TGFBRAP1: variants seen among roughly 807,000 people sequenced by gnomAD.
TGFBRAP1 encodes the protein transforming growth factor-beta receptor-associated protein 1.
A neutral mutation model predicts 83.2 loss-of-function variants in TGFBRAP1; 20 were observed. That is an observed-to-expected ratio of 0.24 (90% CI 0.17 to 0.35). The LOEUF (loss-of-function observed/expected upper bound fraction) is 0.35. Among genes scored for constraint, TGFBRAP1 ranks in the 10% least tolerant of loss-of-function variants. The pLI, the probability that TGFBRAP1 is intolerant of heterozygous loss-of-function variation, is 1.00. For synonymous variants in TGFBRAP1, 415 were observed against 459.8 expected, an observed-to-expected ratio of 0.90 and a Z score of 1.25; for missense variants, 950 against 1,099.4, an observed-to-expected ratio of 0.86 and a Z score of 1.92.
At chr2:105,311,587 A>AG (rs1266435868) in intron 1 of TGFBRAP1, among the ~76,000 whole-genome samples, 2 of 151,528 alleles carry the variant, frequency 1.3e-5, no homozygotes, top group African/African-American at 2.4e-5. Context: ...GCTTTCACAC[A>AG]GAAAAAAAAA....
chr2:105,304,657 CCTATAGTCCCAG>C (rs1678433105), intron 2 of TGFBRAP1, among the ~76,000 whole-genome samples: 1 of 152,178 alleles, frequency 6.6e-6, no homozygotes, highest in South Asian at 2.1e-4. Context: ...GTGGCACATG[CCTATAGTCCCAG>C]CTACTCGGGA....
chr2:105,329,729 C>A lies in TGFBRAP1; in HGVS notation c.-122G>T. 1 of 147,984 alleles carries A rather than the reference C, an allele frequency of 6.8e-6. No individual in the cohort carries two copies. Among genetic ancestry groups the A allele is most frequent in the South Asian group, 1.9e-4 (1 of 5,318 alleles). 9.2% of individuals were successfully genotyped at this position (147,984 alleles called of 1,614,324 possible). A position where few individuals can be genotyped will look rare whatever the true frequency, so the allele number is the denominator to read the frequency against. On this transcript the variant is annotated 5_prime_UTR_variant, in exon 1 of 12. Transcript: ENST00000393359. ...GGCCCGACCCCGCAGCCGCCGCTTCCCGTCACGTGGGGCGGCCGCCAGGCG... is the reference window on the plus strand; with the variant it reads ...GGCCCGACCCCGCAGCCGCCGCTTCACGTCACGTGGGGCGGCCGCCAGGCG...
intron 2 of TGFBRAP1, among the ~76,000 whole-genome samples, chr2:105,306,363 A>G (rs1322621615): frequency 6.6e-6 from 1 of 151,652 alleles, no homozygotes; most frequent in Non-Finnish European, 1.5e-5. Context: ...CGCCCAGCCC[A>G]GAGTTATTTT....
chr2:105,323,352 G>C (rs1306924394), intron 1 of TGFBRAP1, among the ~76,000 whole-genome samples: 2 of 152,142 alleles, frequency 1.3e-5, no homozygotes, highest in Non-Finnish European at 2.9e-5. Flanking sequence ...GGGACCTGCT[G>C]CTCAGCCTCT....
intron 3 of TGFBRAP1, 78 bp from the exon 4 acceptor site, chr2:105,296,588 G>C: frequency 6.7e-7 from 1 of 1,484,622 alleles, no homozygotes; most frequent in Non-Finnish European, 9.1e-7. Context: ...CCCCAAACTG[G>C]ATCATTACCT....
At chr2:105,300,992 G>A (rs1379591502) in intron 2 of TGFBRAP1, among the ~76,000 whole-genome samples, 1 of 152,122 alleles carries the variant, frequency 6.6e-6, no homozygotes. Context: ...GGGAGGCCAA[G>A]GCAGGCAGAT....
the TGFBRAP1 span, among the ~76,000 whole-genome samples, chr2:105,251,597 G>C: frequency 6.6e-6 from 1 of 151,578 alleles, no homozygotes. Flanking sequence ...CCCCTACTGG[G>C]AAGTGAGGAG....
At chr2:105,317,312 C>T (rs1678915912) in intron 1 of TGFBRAP1, among the ~76,000 whole-genome samples, 1 of 152,060 alleles carries the variant, frequency 6.6e-6, no homozygotes, top group Middle Eastern at 3.2e-3. Context: ...TGGCGGATGC[C>T]TGTAGTCCCA....
the TGFBRAP1 span, among the ~76,000 whole-genome samples, chr2:105,254,890 A>G: frequency 1.3e-5 from 2 of 152,296 alleles, no homozygotes; most frequent in Admixed American, 1.3e-4. Context: ...AGGACGCAGC[A>G]TGAAAGGGGC....
At chr2:105,260,751 G>A (rs1436704614), downstream of TGFBRAP1, among the ~76,000 whole-genome samples, 1 of 152,078 alleles carries the variant, frequency 6.6e-6, no homozygotes, top group Non-Finnish European at 1.5e-5. Flanking sequence ...TAAACTTAAT[G>A]TTATGTATAT....
chr2:105,304,350 T>A (rs190709258), intron 2 of TGFBRAP1, among the ~76,000 whole-genome samples: 2 of 152,366 alleles, frequency 1.3e-5, no homozygotes, highest in African/African-American at 4.8e-5. Context: ...TAAGTTTACA[T>A]ATGTTTTCTA....
chr2:105,254,547 T>C, the TGFBRAP1 span, among the ~76,000 whole-genome samples: 7 of 152,052 alleles, frequency 4.6e-5, no homozygotes, highest in Admixed American at 3.3e-4. Context: ...AGAAACCAAT[T>C]TGGGCTGGAA....
chr2:105,314,336 C>T (rs2104405161), intron 1 of TGFBRAP1, among the ~76,000 whole-genome samples: 1 of 149,918 alleles, frequency 6.7e-6, no homozygotes, highest in South Asian at 2.2e-4. Context: ...CTGCAAGCTC[C>T]ACCTCCCGGG....
intron 6 of TGFBRAP1, among the ~76,000 whole-genome samples, chr2:105,280,064 A>G (rs922666197): frequency 6.6e-5 from 10 of 152,022 alleles, no homozygotes; most frequent in Non-Finnish European, 1.5e-4. Flanking sequence ...AAAAAAAAAA[A>G]AAAGAAAGAA....
intron 1 of TGFBRAP1, 117 bp from the exon 2 acceptor site, chr2:105,308,435 C>T (rs774571847): frequency 9.8e-5 from 107 of 1,089,096 alleles, no homozygotes; most frequent in South Asian, 4.5e-4. Flanking sequence ...AGTCATTCCA[C>T]GCTATCAAAA....
chr2:105,261,233 CAT>C (rs138875805), downstream of TGFBRAP1, among the ~76,000 whole-genome samples: 116 of 152,208 alleles, frequency 7.6e-4, 1 homozygote, highest in East Asian at 0.021. Flanking sequence ...AAATCATAAA[CAT>C]GTGTGGGCAA....
intron 4 of TGFBRAP1, among the ~76,000 whole-genome samples, chr2:105,293,498 G>C (rs1422398198): frequency 6.6e-6 from 1 of 152,162 alleles, no homozygotes; most frequent in African/African-American, 2.4e-5. Context: ...TAAATGAAGG[G>C]AAAGGAGTGC....
chr2:105,288,835 T>G (rs1356885729), intron 4 of TGFBRAP1, among the ~76,000 whole-genome samples: 1 of 152,222 alleles, frequency 6.6e-6, no homozygotes, highest in East Asian at 1.9e-4. Flanking sequence ...TGCATGTATA[T>G]GTGTATATAT....
chr2:105,253,787 G>A, the TGFBRAP1 span, among the ~76,000 whole-genome samples: 5 of 152,092 alleles, frequency 3.3e-5, no homozygotes, highest in African/African-American at 9.7e-5. Context: ...TAAAAGTAAC[G>A]TGCTCCTTGT....
Sources: allele counts gnomAD v4.1 joint callset (sites outside exome capture counted in the v4.1 genomes callset), GRCh38; gene constraint gnomAD v4.1.1; transcripts MANE v1.5; gene names NCBI Gene and HGNC (gene_info 2026-07-23, HGNC 2026-07-21).